Variants in EIF5B observed in about 807,000 individuals in gnomAD.
EIF5B encodes the protein eIF-5B.
EIF5B carries 47 observed loss-of-function variants against 147.5 expected under a neutral mutation model. The observed-to-expected ratio is 0.32, with a 90% CI of 0.25 to 0.41. The LOEUF (loss-of-function observed/expected upper bound fraction) is 0.41. Among genes scored for constraint, EIF5B ranks in the 10% least tolerant of loss-of-function variants. EIF5B has a pLI of 1.00. For synonymous variants in EIF5B, 455 were observed against 456.2 expected, an observed-to-expected ratio of 1.00 and a Z score of 0.03; for missense variants, 1,064 against 1,413.2, an observed-to-expected ratio of 0.75 and a Z score of 3.96.
chr2:99,396,645 C>A lies in EIF5B; in HGVS notation c.3255-115C>A. 9 of 1,333,600 alleles carry A rather than the reference C, an allele frequency of 6.7e-6. No individual in the cohort carries two copies. The South Asian group carries it at 8.8e-5, about 13-fold the overall frequency. The allele number at this position is 1,333,600 out of a possible 1,614,324, so 82.6% of individuals were successfully genotyped here. On this transcript the variant is annotated intron_variant, in intron 21 of 23. Transcript: ENST00000289371. ...CACCCTGCCTGCCCCTCTCCTGTGG[C>A]CGCTGGGGAAAGCTGCTTTCCTCTA...
chr2:99,361,385 G>A lies in EIF5B; in HGVS notation c.484G>A (p.Asp162Asn). 6.2e-7 allele frequency: 1 copy of A among 1,612,564 alleles called. No homozygotes were observed. The highest frequency in any genetic ancestry group is 8.5e-7 in the Non-Finnish European group (1 of 1,179,726). ...GKAQKSNKKWDGSEEDEDNSK... is the reference protein window; with the variant it reads ...GKAQKSNKKWNGSEEDEDNSK... The stretch of plus-strand genomic sequence containing the variant: ...AGCTCAAAAATCAAATAAGAAGTGG[G>A]ATGGGTCAGAGGAGGATGAGGATAA... The change falls in exon 4 of 24, where the codon GAT becomes AAT. Residue 162 changes from aspartate to asparagine, a missense_variant. Asp to Asn is a conservative substitution (Grantham distance 23). Transcript: ENST00000289371.
chr2:99,362,073 A>T (rs1335401854), intron 4 of EIF5B, among the ~76,000 whole-genome samples: 1 of 151,714 alleles, frequency 6.6e-6, no homozygotes, highest in Non-Finnish European at 1.5e-5. Flanking sequence ...TATGAAAACT[A>T]TTTTTTTTGC....
intron 1 of EIF5B, among the ~76,000 whole-genome samples, chr2:99,351,844 C>G (rs1006093774): frequency 6.6e-5 from 10 of 151,710 alleles, no homozygotes; most frequent in African/African-American, 2.4e-4. Context: ...ATTACAGGCA[C>G]GAGCCACCAT....
chr2:99,369,357 A>C (rs761302026), intron 7 of EIF5B, 35 bp from the exon 8 acceptor site: 1 of 1,550,686 alleles, frequency 6.4e-7, no homozygotes, highest in East Asian at 2.3e-5. Context: ...TATACACCAA[A>C]AAAAATATTA....
intron 12 of EIF5B, among the ~76,000 whole-genome samples, chr2:99,380,508 G>A (rs1674666662): frequency 6.6e-6 from 1 of 152,196 alleles, no homozygotes. Context: ...AGTTTTGGTT[G>A]CATTCATGCT....
chr2:99,353,005 C>CTTTTTTTTTTT (rs529053292), intron 1 of EIF5B, among the ~76,000 whole-genome samples: 720 of 62,844 alleles, frequency 0.011, 90 homozygotes, highest in East Asian at 0.022. Flanking sequence ...TCTTCTTCTT[C>CTTTTTTTTTTT]TTTTTTTTTT....
At chr2:99,349,965 C>G (rs570954669) in intron 1 of EIF5B, among the ~76,000 whole-genome samples, 51 of 152,322 alleles carry the variant, frequency 3.3e-4, no homozygotes, top group African/African-American at 1.1e-3. Flanking sequence ...TTCCCAGCAT[C>G]TGGTAACCAC....
Position 99,361,611 on chromosome 2 carries a change from A to G in EIF5B, c.710A>G (p.Glu237Gly). 1 of 1,594,954 alleles carries G rather than the reference A, an allele frequency of 6.3e-7. No individual in the cohort carries two copies. The highest frequency in any genetic ancestry group is 8.5e-7 in the Non-Finnish European group (1 of 1,175,564). Reference protein sequence around the residue: ...TVAQKKAEKKERERKKRDEEK... With the variant: ...TVAQKKAEKKGRERKKRDEEK... Reference sequence around the variant, plus strand: ...GCCCAAAAGAAGGCAGAAAAGAAGGAGCGCGAGAGAAAAAAGCGAGATGAA... The same window carrying G: ...GCCCAAAAGAAGGCAGAAAAGAAGGGGCGCGAGAGAAAAAAGCGAGATGAA... The change falls in exon 4 of 24, where the codon GAG becomes GGG. Residue 237 changes from glutamate (E) to glycine (G), a missense_variant. By Grantham distance (98) the Glu-to-Gly change is moderately conservative. This residue lies in a region of EIF5B where 458 missense variants were observed against 451.3 expected (regional missense o/e 1.01). Coordinates refer to ENST00000289371, the MANE Select transcript of EIF5B (RefSeq NM_015904.4).
At chr2:99,339,535 T>TTTTTG (rs1461921117) in intron 1 of EIF5B, among the ~76,000 whole-genome samples, 1 of 152,030 alleles carries the variant, frequency 6.6e-6, no homozygotes, top group Non-Finnish European at 1.5e-5. Context: ...TATATATGTG[T>TTTTTG]TTTTGTTTTG....
In EIF5B at chr2:99,384,090, G is replaced by A. The variant is rs1350052049; in HGVS notation, c.2271+1169G>A. Among the ~76,000 whole-genome samples, 5 of 150,038 alleles carry A rather than the reference G, an allele frequency of 3.3e-5. No individual in the cohort carries two copies. In the South Asian group the frequency reaches 8.5e-4, roughly 25 times the overall value. ...CGGGCACCTGTAGTCCCAGCTACTC[G>A]GGAGGCTGAGGCAGGAGAATGGCGT... On this transcript the variant is annotated intron_variant, in intron 14 of 23. Transcript: ENST00000289371.
intron 21 of EIF5B, among the ~76,000 whole-genome samples, 200 bp downstream of exon 21, chr2:99,395,083 G>C (rs1675014430): frequency 6.6e-6 from 1 of 152,202 alleles, no homozygotes; most frequent in Non-Finnish European, 1.5e-5. Context: ...TCTTGTCTGT[G>C]ACTTCAGTTT....
chr2:99,358,786 T>C (rs1674145270), intron 1 of EIF5B, among the ~76,000 whole-genome samples: 1 of 152,196 alleles, frequency 6.6e-6, no homozygotes, highest in African/African-American at 2.4e-5. Context: ...ACTTTCCCAT[T>C]CTGGATTTGG....
intron 1 of EIF5B, among the ~76,000 whole-genome samples, chr2:99,357,422 T>C (rs1674116654): frequency 6.6e-6 from 1 of 152,200 alleles, no homozygotes; most frequent in Non-Finnish European, 1.5e-5. Context: ...TTTTATGTAA[T>C]TGTTATGAAT....
At chr2:99,385,758 A>G (rs531924150) in intron 14 of EIF5B, among the ~76,000 whole-genome samples, 52 of 152,340 alleles carry the variant, frequency 3.4e-4, no homozygotes, top group African/African-American at 1.2e-3. Flanking sequence ...CGCATGTATA[A>G]GAAAATGCAC....
chr2:99,380,265 T>A (rs1238812061), intron 12 of EIF5B, among the ~76,000 whole-genome samples: 1 of 152,104 alleles, frequency 6.6e-6, no homozygotes, highest in East Asian at 1.9e-4. Context: ...TTGCCCAGGC[T>A]GGTCTTGAAC....
intron 1 of EIF5B, among the ~76,000 whole-genome samples, chr2:99,358,394 A>G (rs1482261041): frequency 6.6e-6 from 1 of 152,202 alleles, no homozygotes; most frequent in African/African-American, 2.4e-5. Context: ...TTATGTCAGC[A>G]GAAGTAAGAC....
chr2:99,339,729 T>C (rs948678513), intron 1 of EIF5B, among the ~76,000 whole-genome samples: 1 of 152,090 alleles, frequency 6.6e-6, no homozygotes, highest in African/African-American at 2.4e-5. Context: ...AAAAAGCCAT[T>C]GGGAGACAAG....
At chr2:99,399,274 C>G (rs1156751011) in intron 23 of EIF5B, 33 bp from the exon 24 acceptor site, 6 of 1,599,790 alleles carry the variant, frequency 3.8e-6, no homozygotes, top group Non-Finnish European at 5.1e-6. Context: ...TTGTTATGTT[C>G]TGTTTACCCT....
At chr2:99,343,869 T>C (rs986097961) in intron 1 of EIF5B, among the ~76,000 whole-genome samples, 1 of 152,056 alleles carries the variant, frequency 6.6e-6, no homozygotes, top group African/African-American at 2.4e-5. Context: ...TTTTGGTCTT[T>C]GTTCCAGTTT....
Sources: gnomAD v4.1 joint callset for allele counts (sites outside exome capture counted in the v4.1 genomes callset) on GRCh38, gnomAD v4.1.1 for gene constraint, gnomAD v4.1.1 regional missense constraint, MANE v1.5 for transcripts, NCBI Gene and HGNC (gene_info 2026-07-23, HGNC 2026-07-21) for gene names.